Variants in PRKN observed in about 807,000 individuals in gnomAD.
PRKN encodes the protein E3 ubiquitin-protein ligase parkin.
A neutral mutation model predicts 59.5 loss-of-function variants in PRKN; 56 were observed. The ratio of observed to expected loss-of-function variants is 0.94; its 90% CI spans 0.76 to 1.18. The LOEUF (loss-of-function observed/expected upper bound fraction) is 1.18, where lower values mean the gene tolerates loss of function less well. PRKN is among the 50% of genes most tolerant of loss of function. The pLI is 0.00. For missense variants in PRKN, 657 were observed against 596.4 expected (o/e 1.10, Z -1.06); for synonymous variants, 250 against 222.1 (o/e 1.13, Z -1.12).
At chr6:162,522,734 A>C (rs905405842) in intron 1 of PRKN, among the ~76,000 whole-genome samples, 3 of 152,016 alleles carry the variant, frequency 2.0e-5, no homozygotes, top group African/African-American at 7.2e-5. Context: ...AACCAGAAGT[A>C]CTACATCTGT....
At chr6:162,171,615 G>C (rs1783280514) in intron 4 of PRKN, among the ~76,000 whole-genome samples, 1 of 152,014 alleles carries the variant, frequency 6.6e-6, no homozygotes, top group Admixed American at 6.6e-5. Context: ...TTCTTTCGTA[G>C]GGCTGCACAC....
intron 6 of PRKN, among the ~76,000 whole-genome samples, chr6:161,880,677 G>T (rs1199007040): frequency 6.6e-6 from 1 of 152,122 alleles, no homozygotes; most frequent in Non-Finnish European, 1.5e-5. Flanking sequence ...CTACAAGGAG[G>T]CCCACTTATA....
At chr6:162,187,842 C>T (rs58454330) in intron 4 of PRKN, among the ~76,000 whole-genome samples, 7,182 of 152,130 alleles carry the variant, frequency 0.047, 540 homozygotes, top group African/African-American at 0.15. Flanking sequence ...CCAGATACAG[C>T]GTGATGGGTT....
In PRKN at chr6:162,443,290, G is replaced by A. The variant is rs751863899; in HGVS notation, c.171+20C>T. The A allele has an allele frequency of 9.3e-6, 15 of 1,610,700 alleles. No individual in the cohort carries two copies. Among genetic ancestry groups the A allele is most frequent in the South Asian group, 8.8e-5 (8 of 90,978 alleles). On this transcript the variant is annotated intron_variant, in intron 2 of 11. Transcript: ENST00000366898. ...ATGGAGCTGGCGGCATCCCAAGAAC[G>A]GCCGCCAAGGGAGACTCACCTGCAC... is the stretch of plus-strand genomic sequence containing the variant.
chr6:162,583,463 T>C (rs777130104), intron 1 of PRKN, among the ~76,000 whole-genome samples: 10 of 152,178 alleles, frequency 6.6e-5, no homozygotes, highest in Non-Finnish European at 1.2e-4. Context: ...ACTCCACCTG[T>C]GAATATAATA....
rs1789441201 is a variant in PRKN at position 161,445,453 on chromosome 6, A to G, written c.1084-58576T>C. Among the ~76,000 whole-genome samples the G allele has an allele frequency of 6.6e-6, 1 of 152,060 alleles. No homozygotes were observed. The highest frequency in any genetic ancestry group is 2.4e-5 in the African/African-American group (1 of 41,412). On this transcript the variant is annotated intron_variant, in intron 9 of 11. Coordinates refer to ENST00000366898, the MANE Select transcript of PRKN (RefSeq NM_004562.3). The surrounding 1 kb of genome is among the most constrained non-coding windows in gnomAD (Gnocchi z 7.7). ...GCCCACCCTCCCCTTTCTCCTACACATGGACACCTCTGAGTGGAATAAGGG... is the reference window on the plus strand; with the variant it reads ...GCCCACCCTCCCCTTTCTCCTACACGTGGACACCTCTGAGTGGAATAAGGG...
chr6:161,979,938 C>T (rs1181560319), intron 5 of PRKN, among the ~76,000 whole-genome samples: 1 of 152,124 alleles, frequency 6.6e-6, no homozygotes, highest in African/African-American at 2.4e-5. Context: ...AATAGCCCAG[C>T]AAAATCTGAA....
intron 2 of PRKN, among the ~76,000 whole-genome samples, chr6:162,319,397 C>T (rs776487513): frequency 3.9e-5 from 6 of 151,938 alleles, no homozygotes; most frequent in African/African-American, 7.2e-5. Context: ...CTTCATCGTC[C>T]GTTGCTGCAG....
chr6:161,899,728 C>T lies in PRKN; in HGVS notation c.734+73574G>A, dbSNP rs187666066. Among the ~76,000 whole-genome samples the T allele has an allele frequency of 2.0e-5, 3 of 152,296 alleles. No homozygotes were observed. In the East Asian group the frequency reaches 5.8e-4, roughly 29 times the overall value. ...TCCTTTTTTCTAACCAATTATTTTT[C>T]TCCAGTCATCTACAAATAGGTCTTC... On this transcript the variant is annotated intron_variant, in intron 6 of 11. Transcript: ENST00000366898.
chr6:162,039,984 G>C (rs1353081702), intron 5 of PRKN, among the ~76,000 whole-genome samples: 2 of 152,198 alleles, frequency 1.3e-5, no homozygotes, highest in South Asian at 2.1e-4. Context: ...ATTTAAACAG[G>C]ATTAAATTAA....
chr6:161,984,288 C>T (rs1394663582), intron 5 of PRKN, among the ~76,000 whole-genome samples: 1 of 152,156 alleles, frequency 6.6e-6, no homozygotes, highest in East Asian at 1.9e-4. Context: ...GATGGAGTCT[C>T]ATTCTGTTGC....
chr6:162,582,803 C>A (rs1780840933), intron 1 of PRKN, among the ~76,000 whole-genome samples: 1 of 152,196 alleles, frequency 6.6e-6, no homozygotes, highest in South Asian at 2.1e-4. Context: ...AATTATAACA[C>A]ATGATATTAA....
At chr6:162,130,251 C>T (rs1781293948) in intron 4 of PRKN, among the ~76,000 whole-genome samples, 1 of 152,142 alleles carries the variant, frequency 6.6e-6, no homozygotes, top group Non-Finnish European at 1.5e-5. Context: ...CTTGATACTG[C>T]TTCTTAAATA....
At chr6:162,361,677 G>A (rs998534042) in intron 2 of PRKN, among the ~76,000 whole-genome samples, 4 of 152,246 alleles carry the variant, frequency 2.6e-5, no homozygotes, top group African/African-American at 9.6e-5. Flanking sequence ...TATAAAAAAA[G>A]CCACATTGAT....
At chr6:161,583,303 T>C (rs1031777315) in intron 7 of PRKN, among the ~76,000 whole-genome samples, 1 of 152,170 alleles carries the variant, frequency 6.6e-6, no homozygotes, top group African/African-American at 2.4e-5. Flanking sequence ...TGTTAAGCTG[T>C]TCTAAAAAGA....
intron 9 of PRKN, among the ~76,000 whole-genome samples, chr6:161,494,174 T>C (rs1777658804): frequency 6.6e-6 from 1 of 151,728 alleles, no homozygotes; most frequent in Non-Finnish European, 1.5e-5. Context: ...TTTTAAAAAA[T>C]AAAAAATAAA....
At chr6:161,840,679 C>T (rs57187519) in intron 6 of PRKN, among the ~76,000 whole-genome samples, 1,758 of 152,228 alleles carry the variant, frequency 0.012, 43 homozygotes, top group African/African-American at 0.041. Flanking sequence ...CCATTTAGCC[C>T]TCACTTATAA....
chr6:162,711,464 C>T (rs1490921490), intron 1 of PRKN, among the ~76,000 whole-genome samples: 1 of 151,402 alleles, frequency 6.6e-6, no homozygotes, highest in East Asian at 1.9e-4. Context: ...ACATGGCTGG[C>T]CCTGAACTAT....
intron 7 of PRKN, among the ~76,000 whole-genome samples, chr6:161,739,277 G>A (rs372944192): frequency 3.9e-4 from 59 of 152,192 alleles, no homozygotes; most frequent in African/African-American, 8.4e-4. Flanking sequence ...GTATGGTGGC[G>A]TATGCATGTA....
Sources: gnomAD v4.1 joint callset for allele counts (sites outside exome capture counted in the v4.1 genomes callset) on GRCh38, gnomAD v4.1.1 for gene constraint, Gnocchi (gnomAD v3.1) non-coding constraint, MANE v1.5 for transcripts, NCBI Gene and HGNC (gene_info 2026-07-23, HGNC 2026-07-21) for gene names.